The following NVL variants were observed in gnomAD, a reference collection of about 807,000 sequenced individuals.
NVL encodes the protein nuclear valosin-containing protein-like.
Under a neutral mutation model 110.2 loss-of-function variants are expected in NVL, and 84 were observed. The observed-to-expected ratio is 0.76, with a 90% CI of 0.64 to 0.91. The LOEUF is 0.91. Among genes scored for constraint, NVL ranks in the 40% least tolerant of loss-of-function variants. NVL has a pLI of 0.00. For missense variants in NVL, 882 were observed against 1,035.9 expected (o/e 0.85, Z 2.04); for synonymous variants, 354 against 361.1 (o/e 0.98, Z 0.22).
Position 224,300,542 on chromosome 1 carries a change from T to G in NVL, c.1062+20A>C. 1 of 1,576,198 alleles carries G rather than the reference T, an allele frequency of 6.3e-7. No individual in the cohort carries two copies. The highest frequency in any genetic ancestry group is 8.7e-7 in the Non-Finnish European group (1 of 1,148,106). On this transcript the variant is annotated intron_variant, in intron 10 of 22. Coordinates refer to ENST00000281701, the MANE Select transcript of NVL (RefSeq NM_002533.4). Reference sequence around the variant, plus strand: ...GCTGGTAGCGTCTGACCACCTGGCATTAGTCATTAACTGACTCACCACAGC... The same window carrying G: ...GCTGGTAGCGTCTGACCACCTGGCAGTAGTCATTAACTGACTCACCACAGC...
intron 18 of NVL, among the ~76,000 whole-genome samples, chr1:224,253,693 A>ACT (rs949245521): frequency 6.8e-6 from 1 of 148,128 alleles, no homozygotes; most frequent in Non-Finnish European, 1.5e-5. Context: ...AGATCAGGCC[A>ACT]CTGCACTCCA....
At chr1:224,279,473 G>A (rs1325434984) in intron 16 of NVL, among the ~76,000 whole-genome samples, 2 of 152,046 alleles carry the variant, frequency 1.3e-5, no homozygotes, top group Non-Finnish European at 2.9e-5. Context: ...ACCAAACCAA[G>A]TTGCAAAATA....
chr1:224,237,067 T>C (rs1465286525), intron 19 of NVL, among the ~76,000 whole-genome samples: 2 of 152,200 alleles, frequency 1.3e-5, no homozygotes, highest in Non-Finnish European at 2.9e-5. Context: ...TTGAGAAAGC[T>C]AAAGGCAAAC....
At chr1:224,304,405 C>G (rs1387437971) in intron 8 of NVL, among the ~76,000 whole-genome samples, 1 of 151,792 alleles carries the variant, frequency 6.6e-6, no homozygotes, top group African/African-American at 2.4e-5. Context: ...AGCCTGGTGA[C>G]AGAGCTACAC....
At chr1:224,234,272 T>C (rs1238298904) in intron 20 of NVL, among the ~76,000 whole-genome samples, 1 of 152,178 alleles carries the variant, frequency 6.6e-6, no homozygotes, top group Non-Finnish European at 1.5e-5. Context: ...TTCACTACAT[T>C]ACAGCTGTAA....
At chr1:224,257,992 G>A (rs1663484774) in intron 18 of NVL, among the ~76,000 whole-genome samples, 1 of 152,138 alleles carries the variant, frequency 6.6e-6, no homozygotes, top group African/African-American at 2.4e-5. Flanking sequence ...CCTTCGGTTA[G>A]GCAATGATTT....
rs1240459061 is a variant in NVL, at chr1:224,330,133, C to G, written c.-6G>C. 1.2e-6 allele frequency: 2 copies of G among 1,613,920 alleles called. No individual in the cohort carries two copies. Among genetic ancestry groups the G allele is most frequent in the South Asian group, 1.1e-5 (1 of 91,080 alleles). On this transcript the variant is annotated 5_prime_UTR_variant, in exon 1 of 23. Coordinates refer to ENST00000281701, the MANE Select transcript of NVL (RefSeq NM_002533.4). ...CCTGCAGGTCTGGGCTTCATCGCGT[C>G]GGTCTTCCAAGCCACAGCTCGGACC...
chr1:224,291,733 A>T (rs1046433495), intron 12 of NVL, among the ~76,000 whole-genome samples: 1 of 152,234 alleles, frequency 6.6e-6, no homozygotes, highest in African/African-American at 2.4e-5. Context: ...CATCATGATA[A>T]ACCCTTTGTA....
At chr1:224,240,314 C>T (rs1661039418) in intron 19 of NVL, among the ~76,000 whole-genome samples, 1 of 152,060 alleles carries the variant, frequency 6.6e-6, no homozygotes, top group African/African-American at 2.4e-5. Flanking sequence ...GGTGATCCAC[C>T]CACCTTGGCC....
intron 19 of NVL, among the ~76,000 whole-genome samples, chr1:224,244,085 G>T (rs1661523894): frequency 6.6e-6 from 1 of 151,710 alleles, no homozygotes; most frequent in Non-Finnish European, 1.5e-5. Context: ...AAAAATCTGG[G>T]GGCCGGGCGT....
intron 16 of NVL, among the ~76,000 whole-genome samples, chr1:224,276,000 C>A (rs967622161): frequency 4.6e-5 from 7 of 152,080 alleles, no homozygotes; most frequent in Admixed American, 1.3e-4. Flanking sequence ...ATGTTGAAAT[C>A]TAAATCAAAA....
At chr1:224,279,579 A>G (rs1326320778) in intron 16 of NVL, among the ~76,000 whole-genome samples, 1 of 152,242 alleles carries the variant, frequency 6.6e-6, no homozygotes, top group Non-Finnish European at 1.5e-5. Flanking sequence ...GAGATATAAC[A>G]GTTATAAACT....
chr1:224,322,666 G>A (rs1455946060), intron 2 of NVL, among the ~76,000 whole-genome samples: 2 of 152,082 alleles, frequency 1.3e-5, no homozygotes, highest in East Asian at 1.9e-4. Context: ...TTAGAAATAT[G>A]GACACCGCAG....
intron 14 of NVL, 29 bp from the exon 15 acceptor site, chr1:224,286,159 A>G (rs768457764): frequency 3.3e-6 from 5 of 1,507,834 alleles, no homozygotes; most frequent in African/African-American, 1.4e-5. Context: ...ACGGCGATCC[A>G]TTACATGTCC....
At position 224,231,239 on chromosome 1, in the gene NVL, G is replaced by T; in HGVS notation, c.2513C>A (p.Ser838Tyr). The change falls in exon 22 of 23, where the codon TCT becomes TAT. Residue 838 changes from serine (S) to tyrosine (Y), a missense_variant. Physicochemically the swap from Ser to Tyr is moderately radical, Grantham distance 144 (BLOSUM62 -2). Around this residue, in one of 4 missense-constraint regions of NVL, gnomAD observed 126 missense variants for 140.7 expected, o/e 0.90. Transcript: ENST00000281701. ...GGCATTGCTTACCTTTTTTGATATA[G>T]ATGATCTTACTTTCTTGAAAGCTTC... The part of the protein sequence containing the change: ...FEEAFKKVRS[S>Y]ISKKDQIMYE... 1 of 1,611,160 alleles carries T rather than the reference G, an allele frequency of 6.2e-7. No individual in the cohort carries two copies. The highest frequency in any genetic ancestry group is 8.5e-7 in the Non-Finnish European group (1 of 1,178,616).
intron 2 of NVL, among the ~76,000 whole-genome samples, chr1:224,320,029 A>G (rs1670489583): frequency 6.6e-6 from 1 of 152,156 alleles, no homozygotes; most frequent in African/African-American, 2.4e-5. Flanking sequence ...ATGAAAAACA[A>G]AAAAAGGTTG....
At chr1:224,259,199 C>T (rs1021845447) in intron 18 of NVL, among the ~76,000 whole-genome samples, 2 of 151,774 alleles carry the variant, frequency 1.3e-5, no homozygotes, top group African/African-American at 4.8e-5. Context: ...AGCGATTCTC[C>T]TGCCTCAGCC....
At chr1:224,238,270 C>G (rs574179889) in intron 19 of NVL, among the ~76,000 whole-genome samples, 4 of 152,082 alleles carry the variant, frequency 2.6e-5, no homozygotes, top group African/African-American at 4.8e-5. Flanking sequence ...TCAGCTCAAG[C>G]GATCTGCCCG....
chr1:224,321,438 C>T (rs2102785502), intron 2 of NVL, among the ~76,000 whole-genome samples: 1 of 152,148 alleles, frequency 6.6e-6, no homozygotes, highest in South Asian at 2.1e-4. Flanking sequence ...TGAAACAGGC[C>T]AGGTGTAGTG....
Sources: allele counts gnomAD v4.1 joint callset (sites outside exome capture counted in the v4.1 genomes callset), GRCh38; gene constraint gnomAD v4.1.1; regional missense constraint gnomAD v4.1.1; transcripts MANE v1.5; gene names NCBI Gene and HGNC (gene_info 2026-07-23, HGNC 2026-07-21).